SFI1: variants seen among roughly 807,000 people sequenced by gnomAD.
The protein encoded by SFI1 is protein SFI1 homolog.
Under a neutral mutation model 207.5 loss-of-function variants are expected in SFI1, and 195 were observed. That is an observed-to-expected ratio of 0.94 (90% confidence interval 0.84 to 1.06). The LOEUF (loss-of-function observed/expected upper bound fraction) is 1.06, where lower values mean the gene tolerates loss of function less well. Ranked by LOEUF, SFI1 falls within the 50% of genes least tolerant of loss-of-function variation. The probability of loss-of-function intolerance (pLI) is 0.00; values close to 1 mark genes in which losing one functional copy is unlikely to be tolerated. For missense variants in SFI1, 1,634 were observed against 1,588.0 expected (o/e 1.03, Z -0.49); for synonymous variants, 630 against 598.9 (o/e 1.05, Z -0.76).
Position 31,575,279 on chromosome 22 carries a change from GTGAC to G in SFI1, c.974_977del (p.Asp325GlyfsTer67). On this transcript the variant is annotated frameshift_variant, in exon 10 of 33. Coordinates refer to ENST00000400288, the MANE Select transcript of SFI1 (RefSeq NM_001007467.3). LOFTEE classifies it high-confidence loss of function. ...GTCACTGTGCTCCAGATATACTTCT[GTGAC>G]TGGCAGCAGGCCTGGGAGCGGAGGG... 1 of 1,612,940 alleles carries G rather than the reference GTGAC, an allele frequency of 6.2e-7. No individual in the cohort carries two copies. Among genetic ancestry groups the G allele is most frequent in the Non-Finnish European group, 8.5e-7 (1 of 1,179,586 alleles).
intron 1 of SFI1, among the ~76,000 whole-genome samples, chr22:31,503,820 C>T (rs1221834214): frequency 6.6e-6 from 1 of 151,496 alleles, no homozygotes; most frequent in Non-Finnish European, 1.5e-5. Flanking sequence ...ACCTCCTGAC[C>T]TCAGGTGATC....
At chr22:31,507,974 G>A (rs1487560428) in intron 1 of SFI1, among the ~76,000 whole-genome samples, 3 of 152,106 alleles carry the variant, frequency 2.0e-5, no homozygotes, top group East Asian at 1.9e-4. Flanking sequence ...TACTTGAGAG[G>A]TTGAGGCAGG....
chr22:31,528,353 G>A (rs912109003), intron 2 of SFI1, among the ~76,000 whole-genome samples: 1 of 151,832 alleles, frequency 6.6e-6, no homozygotes, highest in Non-Finnish European at 1.5e-5. Context: ...GAGCCTGGGA[G>A]GTCGAGGCTG....
chr22:31,589,109 A>G (rs1156838625), intron 14 of SFI1, among the ~76,000 whole-genome samples: 1 of 152,224 alleles, frequency 6.6e-6, no homozygotes, highest in Non-Finnish European at 1.5e-5. Context: ...AACCCCATAC[A>G]TATCACTGAG....
At position 31,586,263 on chromosome 22, in the gene SFI1, C is replaced by T. The variant is rs548813687; in HGVS notation, c.1413+1129C>T. On this transcript the variant is annotated intron_variant, in intron 14 of 32. Coordinates refer to ENST00000400288, the MANE Select transcript of SFI1 (RefSeq NM_001007467.3). ...CCCCCAGGCCAGTCCACCTCCACCCCTACCCCAGAGGCATAGCTTTATCAG... is the reference window on the plus strand; with the variant it reads ...CCCCCAGGCCAGTCCACCTCCACCCTTACCCCAGAGGCATAGCTTTATCAG... 1.1e-4 allele frequency among the ~76,000 whole-genome samples: 17 copies of T among 152,284 alleles called. 1 individual carries two copies. The South Asian group carries it at 3.3e-3, about 30-fold the overall frequency.
At chr22:31,615,339 GCT>G (rs2147412647) in intron 29 of SFI1, 60 bp downstream of exon 29, 1 of 1,356,460 alleles carries the variant, frequency 7.4e-7, no homozygotes, top group South Asian at 1.7e-5. Context: ...GACTTCTGGT[GCT>G]TTCTCATGCC....
chr22:31,616,595 A>C, intron 29 of SFI1, 150 bp from the exon 30 acceptor site: 1 of 794,282 alleles, frequency 1.3e-6, no homozygotes, highest in South Asian at 1.9e-5. Context: ...CTGAGCTGGC[A>C]CGGCCAGTGC....
At chr22:31,547,961 T>G (rs1253491977) in intron 5 of SFI1, among the ~76,000 whole-genome samples, 6 of 146,928 alleles carry the variant, frequency 4.1e-5, no homozygotes, top group Admixed American at 2.0e-4. Flanking sequence ...ATGCCTGTAA[T>G]CCCAGCACTT....
At chr22:31,591,179 A>T (rs941222630) in intron 15 of SFI1, among the ~76,000 whole-genome samples, 1 of 152,190 alleles carries the variant, frequency 6.6e-6, no homozygotes, top group East Asian at 1.9e-4. Flanking sequence ...CTTAATGAGC[A>T]TGCTGCCTTC....
In SFI1 at chr22:31,612,101, G is replaced by A. The variant is rs1182948639; in HGVS notation, c.2490+261G>A. On this transcript the variant is annotated intron_variant, in intron 24 of 32. Transcript: ENST00000400288. ...ATTAAAAAATACATCAGTGGAGGCC[G>A]GGCGCAGTGGCTCACGCCTGTAATC... is the stretch of plus-strand genomic sequence containing the variant. 1.7e-5 allele frequency: 20 copies of A among 1,144,816 alleles called. No homozygotes were observed. The East Asian group carries it at 3.7e-4, about 21-fold the overall frequency. 70.9% of individuals were successfully genotyped at this position (1,144,816 alleles called of 1,614,324 possible). A position where few individuals can be genotyped will look rare whatever the true frequency, so the allele number is the denominator to read the frequency against.
At chr22:31,579,981 G>T in intron 11 of SFI1, 1 of 263,600 alleles carries the variant, frequency 3.8e-6, no homozygotes, top group Non-Finnish European at 7.2e-6. Flanking sequence ...TTGTCATGTG[G>T]GTCATGGGGT....
chr22:31,497,558 A>T lies in SFI1; in HGVS notation c.-31+921A>T, dbSNP rs138656945. Among the ~76,000 whole-genome samples the T allele has an allele frequency of 2.4e-4, 37 of 152,274 alleles. No individual in the cohort carries two copies. The East Asian group carries it at 5.8e-3, about 24-fold the overall frequency. ...CCCTCTCGGTCCTCCTTGTAGCCTGAGAGGCAACAATATTGAAATTAGGCC... is the reference window on the plus strand; with the variant it reads ...CCCTCTCGGTCCTCCTTGTAGCCTGTGAGGCAACAATATTGAAATTAGGCC... On this transcript the variant is annotated intron_variant, in intron 1 of 32. Transcript: ENST00000400288.
chr22:31,507,498 G>A lies in SFI1; in HGVS notation c.-30-757G>A, dbSNP rs116929124. The stretch of plus-strand genomic sequence containing the variant: ...AGCAATTGCAACAGAATCACAAATT[G>A]ACAAATTTAGTTTAATTTCTAATTA... On this transcript the variant is annotated intron_variant, in intron 1 of 32. Transcript: ENST00000400288. Among the ~76,000 whole-genome samples the A allele has an allele frequency of 5.8e-4, 88 of 152,230 alleles. No individual in the cohort carries two copies. In the East Asian group the frequency reaches 0.016, roughly 28 times the overall value.
In SFI1 at chr22:31,541,294, A is replaced by C. The variant is rs576949569; in HGVS notation, c.339-5567A>C. On this transcript the variant is annotated intron_variant, in intron 4 of 32. Transcript: ENST00000400288. ...ACTCTCTTGCCTAAAATTGACTAAAATTTGTTGACGGCTCTTGTCTGTCAC... is the reference window on the plus strand; with the variant it reads ...ACTCTCTTGCCTAAAATTGACTAAACTTTGTTGACGGCTCTTGTCTGTCAC... Among the ~76,000 whole-genome samples the C allele has an allele frequency of 3.3e-5, 5 of 152,202 alleles. No individual in the cohort carries two copies. In the East Asian group the frequency reaches 9.7e-4, roughly 29 times the overall value.
At chr22:31,553,600 T>C (rs1403129511) in intron 6 of SFI1, among the ~76,000 whole-genome samples, 1 of 146,940 alleles carries the variant, frequency 6.8e-6, no homozygotes, top group Non-Finnish European at 1.5e-5. Context: ...CTGGAACTCC[T>C]GACCTCAGGG....
chr22:31,552,011 C>T lies in SFI1; in HGVS notation c.544+1663C>T, dbSNP rs537505733. Reference sequence around the variant, plus strand: ...TGTACATGATAGGTAATTTTTCAACCCTTGGGCCTCTTCCACCCTCCCTTC... The same window carrying T: ...TGTACATGATAGGTAATTTTTCAACTCTTGGGCCTCTTCCACCCTCCCTTC... On this transcript the variant is annotated intron_variant, in intron 6 of 32. Transcript: ENST00000400288. Among the ~76,000 whole-genome samples the T allele has an allele frequency of 2.7e-4, 41 of 152,230 alleles. No individual in the cohort carries two copies. In the South Asian group the frequency reaches 8.1e-3, roughly 30 times the overall value.
Position 31,613,151 on chromosome 22 carries a change from A to G in SFI1, c.2500A>G (p.Arg834Gly). 3.7e-6 allele frequency: 6 copies of G among 1,613,556 alleles called. No individual in the cohort carries two copies. The highest frequency in any genetic ancestry group is 5.1e-6 in the Non-Finnish European group (6 of 1,179,978). Residue 834 changes from arginine to glycine, a missense_variant, in exon 25 of 33, where the codon AGG (arginine) becomes GGG (glycine). Transcript: ENST00000400288. ...GTCTTTCTGGCCCTAGCTGGCAGCC[A>G]GGAGGCAGGAGCAGCGGGCGACAGT... ...FRQWRQQLAA[R>G]RQEQRATVRA...
intron 21 of SFI1, among the ~76,000 whole-genome samples, chr22:31,607,012 C>T (rs772603505): frequency 3.3e-5 from 5 of 151,766 alleles, no homozygotes; most frequent in South Asian, 2.1e-4. Flanking sequence ...TGCAGTGAGC[C>T]GAATTGCACC....
Position 31,496,574 on chromosome 22 carries a change from C to G in SFI1, c.-94C>G, listed in dbSNP as rs560147149. The G allele has an allele frequency of 1.3e-5, 2 of 152,378 alleles. No individual in the cohort carries two copies. Among genetic ancestry groups the G allele is most frequent in the South Asian group, 2.1e-4 (1 of 4,836 alleles). 9.4% of individuals were successfully genotyped at this position (152,378 alleles called of 1,614,324 possible). A position where few individuals can be genotyped will look rare whatever the true frequency, so the allele number is the denominator to read the frequency against. On this transcript the variant is annotated 5_prime_UTR_variant, in exon 1 of 33. Coordinates refer to ENST00000400288, the MANE Select transcript of SFI1 (RefSeq NM_001007467.3). ...ACCGCGCGGGAGTTAAGAAGCAGGT[C>G]CCGGATCGCCGTATACCGCCGGGTT...
Sources: gnomAD v4.1 joint callset for allele counts (sites outside exome capture counted in the v4.1 genomes callset) on GRCh38, gnomAD v4.1.1 for gene constraint, MANE v1.5 for transcripts, NCBI Gene and HGNC (gene_info 2026-07-23, HGNC 2026-07-21) for gene names.